LMTK2: variants seen among roughly 807,000 people sequenced by gnomAD.
LMTK2 encodes the protein serine/threonine-protein kinase LMTK2.
In LMTK2, 37 loss-of-function variants were observed where a neutral mutation model predicts 127.5. That is an observed-to-expected ratio of 0.29 (90% CI 0.22 to 0.38). LMTK2 has a LOEUF of 0.38. Among genes scored for constraint, LMTK2 ranks in the 10% least tolerant of loss-of-function variants. LMTK2 has a pLI of 1.00. For synonymous variants in LMTK2, 819 were observed against 810.1 expected (o/e 1.01, Z -0.19); for missense variants, 1,694 against 1,920.3 (o/e 0.88, Z 2.20).
intron 2 of LMTK2, among the ~76,000 whole-genome samples, chr7:98,138,326 A>G (rs893730435): frequency 9.9e-5 from 15 of 152,192 alleles, no homozygotes; most frequent in Non-Finnish European, 1.0e-4. Flanking sequence ...TTTTCCCTGG[A>G]CATGGGGCCC....
At chr7:98,164,610 G>A (rs1157469888) in intron 6 of LMTK2, among the ~76,000 whole-genome samples, 2 of 152,194 alleles carry the variant, frequency 1.3e-5, no homozygotes, top group Non-Finnish European at 2.9e-5. Flanking sequence ...TTAAATAAAA[G>A]CTTGGGTAGT....
intron 3 of LMTK2, among the ~76,000 whole-genome samples, chr7:98,146,348 C>T (rs1796772367): frequency 1.3e-5 from 2 of 152,064 alleles, no homozygotes; most frequent in South Asian, 4.2e-4. Context: ...ATCAGCCTTC[C>T]TATTTCTCTA....
Position 98,193,940 on chromosome 7 carries a change from C to A in LMTK2, c.3475C>A (p.Gln1159Lys), listed in dbSNP as rs774969352. The change falls in exon 11 of 14, where the codon CAG becomes AAG. Residue 1159 changes from glutamine to lysine, a missense_variant. Around this residue, in one of 8 missense-constraint regions of LMTK2, gnomAD observed 554 missense variants for 567.7 expected, o/e 0.98. Transcript: ENST00000297293. The surrounding 1 kb of genome is among the most constrained non-coding windows in gnomAD (Gnocchi z 4.1). ...QDSCLEARKS[Q>K]PDESCLSALH... ...TAGCTGCCTGGAAGCCAGAAAGAGCCAGCCAGATGAAAGTTGTCTGTCTGC... is the reference window on the plus strand; with the variant it reads ...TAGCTGCCTGGAAGCCAGAAAGAGCAAGCCAGATGAAAGTTGTCTGTCTGC... 6 of 1,614,078 alleles carry A rather than the reference C, an allele frequency of 3.7e-6. No homozygotes were observed. The highest frequency in any genetic ancestry group is 5.1e-6 in the Non-Finnish European group (6 of 1,180,044).
intron 1 of LMTK2, among the ~76,000 whole-genome samples, chr7:98,108,116 AT>A (rs1279888276): frequency 2.0e-5 from 3 of 152,216 alleles, no homozygotes; most frequent in African/African-American, 7.2e-5. Flanking sequence ...TTGAAATTTC[AT>A]ACATTCATAG....
At chr7:98,158,942 CAG>C in intron 5 of LMTK2, among the ~76,000 whole-genome samples, 1 of 152,030 alleles carries the variant, frequency 6.6e-6, no homozygotes, top group East Asian at 1.9e-4. Flanking sequence ...CCTGTAATGC[CAG>C]CTATTTGGCC....
intron 7 of LMTK2, among the ~76,000 whole-genome samples, chr7:98,184,661 G>A (rs892529654): frequency 7.9e-5 from 12 of 152,086 alleles, no homozygotes; most frequent in East Asian, 5.8e-4. Flanking sequence ...GACACATGTC[G>A]TCAGGACCTC....
intron 1 of LMTK2, among the ~76,000 whole-genome samples, chr7:98,127,630 C>A (rs540752618): frequency 1.3e-5 from 2 of 152,236 alleles, no homozygotes; most frequent in Admixed American, 1.3e-4. Flanking sequence ...AGGATGGACC[C>A]CTGCCAGTGG....
At position 98,204,226 on chromosome 7, in the gene LMTK2, C is replaced by T. The variant is rs569898471; in HGVS notation, c.4483+40C>T. Reference sequence around the variant, plus strand: ...GTGCTGGGGATTGGGAGTGCAGGGTCGGGGGTGGGGCGCTGCAGCTGGGAG... The same window carrying T: ...GTGCTGGGGATTGGGAGTGCAGGGTTGGGGGTGGGGCGCTGCAGCTGGGAG... On this transcript the variant is annotated intron_variant, in intron 13 of 13. Coordinates refer to ENST00000297293, the MANE Select transcript of LMTK2 (RefSeq NM_014916.4). The T allele has an allele frequency of 1.1e-5, 18 of 1,582,478 alleles. No homozygotes were observed. The East Asian group carries it at 1.8e-4, about 16-fold the overall frequency.
At chr7:98,153,636 C>T (rs1796887895) in intron 4 of LMTK2, among the ~76,000 whole-genome samples, 1 of 152,124 alleles carries the variant, frequency 6.6e-6, no homozygotes, top group African/African-American at 2.4e-5. Flanking sequence ...CTTTGGGAGG[C>T]CCAGGTGGGA....
rs1797193263 is a variant in LMTK2 at position 98,171,639 on chromosome 7, G to T, written c.756G>T (p.Gly252=). 1 of 1,603,982 alleles carries T rather than the reference G, an allele frequency of 6.2e-7. No homozygotes were observed. The highest frequency in any genetic ancestry group is 8.5e-7 in the Non-Finnish European group (1 of 1,175,512). ...GGATGGCGTGCGAGGTCGCCGCGGG[G>T]CTGGCCGCCATGCACAAGCTGCACT... ...LQRMACEVAA[G]LAAMHKLHFL... is the part of the protein sequence containing the mutation. The change falls in exon 7 of 14, where the codon GGG becomes GGT. Residue 252 remains glycine (G), a synonymous_variant. Coordinates refer to ENST00000297293, the MANE Select transcript of LMTK2 (RefSeq NM_014916.4). The surrounding 1 kb of genome is among the most constrained non-coding windows in gnomAD (Gnocchi z 5.1).
intron 1 of LMTK2, among the ~76,000 whole-genome samples, chr7:98,131,415 C>T (rs1274857870): frequency 6.6e-6 from 1 of 152,090 alleles, no homozygotes; most frequent in African/African-American, 2.4e-5. Context: ...CTTTTCTCCC[C>T]AAGTGTTTTT....
chr7:98,145,975 A>T (rs1796767575), intron 3 of LMTK2, among the ~76,000 whole-genome samples: 1 of 152,044 alleles, frequency 6.6e-6, no homozygotes, highest in Non-Finnish European at 1.5e-5. Context: ...ATTTTGAGTT[A>T]ATTGTTTTAT....
intron 6 of LMTK2, among the ~76,000 whole-genome samples, chr7:98,160,814 A>G (rs1430382835): frequency 1.3e-5 from 2 of 152,200 alleles, no homozygotes; most frequent in African/African-American, 4.8e-5. Flanking sequence ...ATAATTTCCT[A>G]CAATTTCAAC....
chr7:98,115,048 A>G (rs1796257658), intron 1 of LMTK2, among the ~76,000 whole-genome samples: 1 of 152,108 alleles, frequency 6.6e-6, no homozygotes, highest in African/African-American at 2.4e-5. Flanking sequence ...AACTTATGTG[A>G]TGTTTTAAGG....
chr7:98,159,847 G>T (rs920429534), intron 6 of LMTK2, among the ~76,000 whole-genome samples: 1 of 152,114 alleles, frequency 6.6e-6, no homozygotes, highest in Non-Finnish European at 1.5e-5. Flanking sequence ...CCCAAGAATC[G>T]CTTTACCTAG....
At chr7:98,203,779 T>G in intron 12 of LMTK2, 73 bp downstream of exon 12, 1 of 1,592,902 alleles carries the variant, frequency 6.3e-7, no homozygotes. Context: ...TGAGGGTAAC[T>G]TCCCATGTTG....
intron 1 of LMTK2, among the ~76,000 whole-genome samples, chr7:98,114,106 C>T (rs1796243251): frequency 6.6e-6 from 1 of 152,090 alleles, no homozygotes; most frequent in African/African-American, 2.4e-5. Context: ...CTTCCCCAAC[C>T]ACAAAAGAGT....
chr7:98,180,025 GA>G (rs1419345289), intron 7 of LMTK2, among the ~76,000 whole-genome samples: 1 of 152,180 alleles, frequency 6.6e-6, no homozygotes, highest in Non-Finnish European at 1.5e-5. Context: ...TGTTAATGAG[GA>G]AAATAATAGT....
At chr7:98,160,405 A>C (rs865799056) in intron 6 of LMTK2, among the ~76,000 whole-genome samples, 1 of 152,196 alleles carries the variant, frequency 6.6e-6, no homozygotes, top group Non-Finnish European at 1.5e-5. Flanking sequence ...TTGTTGGATT[A>C]TGTAATAGTT....
Sources: gnomAD v4.1 joint callset for allele counts (sites outside exome capture counted in the v4.1 genomes callset) on GRCh38, gnomAD v4.1.1 for gene constraint, gnomAD v4.1.1 regional missense constraint, Gnocchi (gnomAD v3.1) non-coding constraint, MANE v1.5 for transcripts, NCBI Gene and HGNC (gene_info 2026-07-23, HGNC 2026-07-21) for gene names.